The following SYT16 variants were observed in gnomAD, a reference collection of about 807,000 sequenced individuals.
SYT16 encodes synaptotagmin 16.
SYT16 carries 42 observed loss-of-function variants against 61.4 expected under a neutral mutation model. The ratio of observed to expected loss-of-function variants is 0.68; its 90% CI spans 0.53 to 0.89. The LOEUF (loss-of-function observed/expected upper bound fraction) is 0.89. Ranked by LOEUF, SYT16 falls within the 40% of genes least tolerant of loss-of-function variation. The pLI, the probability that SYT16 is intolerant of heterozygous loss-of-function variation, is 0.00. For missense variants in SYT16, 804 were observed against 807.3 expected, an observed-to-expected ratio of 1.00 and a Z score of 0.05; for synonymous variants, 314 against 302.3, an observed-to-expected ratio of 1.04 and a Z score of -0.40.
chr14:62,054,848 A>T (rs1289722819), intron 3 of SYT16, among the ~76,000 whole-genome samples: 1 of 152,222 alleles, frequency 6.6e-6, no homozygotes, highest in Non-Finnish European at 1.5e-5. Context: ...GATTTACAGC[A>T]TGGGATAGGA....
intron 7 of SYT16, among the ~76,000 whole-genome samples, chr14:62,099,112 C>A (rs2057352877): frequency 6.6e-6 from 1 of 152,084 alleles, no homozygotes; most frequent in South Asian, 2.1e-4. Flanking sequence ...ACAGTCTACA[C>A]CAAGAAATTG....
chr14:61,910,784 C>G (rs2048905356), intron 1 of SYT16, among the ~76,000 whole-genome samples: 1 of 152,228 alleles, frequency 6.6e-6, no homozygotes, highest in South Asian at 2.1e-4. Flanking sequence ...CCACCTCGGC[C>G]TCCCAAAGTG....
intron 1 of SYT16, among the ~76,000 whole-genome samples, chr14:61,857,918 A>G (rs142203340): frequency 3.3e-5 from 5 of 152,180 alleles, no homozygotes; most frequent in African/African-American, 1.2e-4. Context: ...CAGGGGGAAA[A>G]AACATTCAAA....
intron 1 of SYT16, among the ~76,000 whole-genome samples, chr14:61,822,173 C>T (rs1467879492): frequency 6.6e-6 from 1 of 152,212 alleles, no homozygotes; most frequent in Non-Finnish European, 1.5e-5. Flanking sequence ...GGTCAAAAGA[C>T]TGAGAGCCTC....
At chr14:61,943,467 G>T (rs1319919292) in intron 1 of SYT16, among the ~76,000 whole-genome samples, 1 of 152,210 alleles carries the variant, frequency 6.6e-6, no homozygotes, top group African/African-American at 2.4e-5. Context: ...CATGAACATT[G>T]ATGTGAAAAT....
chr14:61,924,011 A>G lies in SYT16; in HGVS notation c.-324-46121A>G, dbSNP rs543835797. On this transcript the variant is annotated intron_variant, in intron 1 of 7. Transcript: ENST00000683842. ...TCAGGCGAAGTTAATACAAAGTGCTATACATGAAAGATTACTATCTATGCT... is the reference window on the plus strand; with the variant it reads ...TCAGGCGAAGTTAATACAAAGTGCTGTACATGAAAGATTACTATCTATGCT... Among the ~76,000 whole-genome samples the G allele has an allele frequency of 2.6e-5, 4 of 152,308 alleles. No individual in the cohort carries two copies. The South Asian group carries it at 6.2e-4, about 24-fold the overall frequency.
intron 1 of SYT16, among the ~76,000 whole-genome samples, chr14:61,923,678 G>A (rs940566236): frequency 3.3e-5 from 5 of 152,000 alleles, no homozygotes; most frequent in African/African-American, 4.8e-5. Flanking sequence ...TTATTGGGAC[G>A]TAGTACAGTG....
chr14:62,092,191 CACACACA>C, intron 7 of SYT16, among the ~76,000 whole-genome samples: 1 of 99,828 alleles, frequency 1.0e-5, no homozygotes, highest in African/African-American at 3.2e-5. Flanking sequence ...CACACACACA[CACACACA>C]CACACACACA....
At chr14:61,904,535 G>T (rs921617555) in intron 1 of SYT16, among the ~76,000 whole-genome samples, 5 of 152,160 alleles carry the variant, frequency 3.3e-5, no homozygotes, top group African/African-American at 4.8e-5. Flanking sequence ...GGCTTTTGCT[G>T]GTTTGAGTCT....
chr14:62,083,054 T>C (rs1358866065), intron 6 of SYT16, among the ~76,000 whole-genome samples: 6 of 152,148 alleles, frequency 3.9e-5, no homozygotes, highest in Non-Finnish European at 8.8e-5. Context: ...TATTTCATTG[T>C]TGAATTTTTA....
At position 62,112,130 on chromosome 14, in the gene SYT16, T is replaced by TTTAAACAAGACCAATCAG. The variant is rs1420288740; in HGVS notation, c.*11425_*11442dup. Reference sequence around the variant, plus strand: ...TACTATCTTACTATTATGTATTGTGTTTAAACAAGACCAATCAGTGAAATA... The same window carrying TTTAAACAAGACCAATCAG: ...TACTATCTTACTATTATGTATTGTGTTTAAACAAGACCAATCAGTTAAACAAGACCAATCAGTGAAATA... On this transcript the variant is annotated 3_prime_UTR_variant, in exon 8 of 8. Transcript: ENST00000683842. 2 of 152,162 alleles carry TTTAAACAAGACCAATCAG rather than the reference T, an allele frequency of 1.3e-5. No homozygotes were observed. Among genetic ancestry groups the TTTAAACAAGACCAATCAG allele is most frequent in the Non-Finnish European group, 2.9e-5 (2 of 67,982 alleles). The allele number at this position is 152,162 out of a possible 1,614,324, so 9.4% of individuals were successfully genotyped here.
intron 1 of SYT16, among the ~76,000 whole-genome samples, chr14:61,862,518 C>T (rs963343422): frequency 1.3e-5 from 2 of 152,120 alleles, no homozygotes; most frequent in Non-Finnish European, 2.9e-5. Flanking sequence ...AGGGGAGGTG[C>T]AGGGATTTCC....
At chr14:61,859,786 T>G (rs1238969775) in intron 1 of SYT16, among the ~76,000 whole-genome samples, 1 of 152,084 alleles carries the variant, frequency 6.6e-6, no homozygotes, top group African/African-American at 2.4e-5. Flanking sequence ...ATTGGCACAC[T>G]TGGGGCTCCA....
intron 1 of SYT16, among the ~76,000 whole-genome samples, chr14:61,939,159 C>CA (rs955722251): frequency 6.6e-6 from 1 of 151,822 alleles, no homozygotes; most frequent in African/African-American, 2.4e-5. Flanking sequence ...ACAAAAAAAC[C>CA]AAAAAAGGAC....
chr14:61,843,333 T>A (rs2046353108), intron 1 of SYT16, among the ~76,000 whole-genome samples: 2 of 152,186 alleles, frequency 1.3e-5, no homozygotes, highest in Non-Finnish European at 2.9e-5. Flanking sequence ...ATCAATGATG[T>A]TGAACACCTT....
chr14:62,060,325 A>G (rs1433952206), intron 3 of SYT16, among the ~76,000 whole-genome samples: 1 of 152,170 alleles, frequency 6.6e-6, no homozygotes, highest in South Asian at 2.1e-4. Flanking sequence ...TGCTCTTTCT[A>G]AATGGAATTT....
intron 1 of SYT16, among the ~76,000 whole-genome samples, chr14:61,910,228 TTTTTTGTTTTG>T (rs906040654): frequency 3.4e-4 from 9 of 26,306 alleles, no homozygotes; most frequent in African/African-American, 2.1e-3. Flanking sequence ...GCTGTCTCCT[TTTTTTGTTTTG>T]TTTTGTTTTG....
chr14:61,986,445 TTATA>T (rs890909209), intron 2 of SYT16, among the ~76,000 whole-genome samples: 14 of 149,188 alleles, frequency 9.4e-5, no homozygotes, highest in South Asian at 2.1e-4. Context: ...TTTAAAAAAT[TTATA>T]TATATATATA....
intron 1 of SYT16, among the ~76,000 whole-genome samples, chr14:61,889,695 C>T (rs1419426423): frequency 4.0e-5 from 6 of 151,892 alleles, no homozygotes; most frequent in African/African-American, 1.2e-4. Flanking sequence ...TCTGCACAGG[C>T]AAACTCCCTT....
Sources: allele counts gnomAD v4.1 joint callset (sites outside exome capture counted in the v4.1 genomes callset), GRCh38; gene constraint gnomAD v4.1.1; transcripts MANE v1.5; gene names NCBI Gene and HGNC (gene_info 2026-07-23, HGNC 2026-07-21).